RIMKLB: variants seen among roughly 807,000 people sequenced by gnomAD.
The protein encoded by RIMKLB is ribosomal modification protein rimK like family member B.
RIMKLB carries 7 observed loss-of-function variants against 32.0 expected under a neutral mutation model. That is an observed-to-expected ratio of 0.22 (90% CI 0.12 to 0.41). RIMKLB has a LOEUF of 0.41. Among genes scored for constraint, RIMKLB ranks in the 10% least tolerant of loss-of-function variants. The probability of loss-of-function intolerance (pLI) is 1.00; values close to 1 mark genes in which losing one functional copy is unlikely to be tolerated. For synonymous variants in RIMKLB, 172 were observed against 185.1 expected (o/e 0.93, Z 0.57); for missense variants, 289 against 498.7 (o/e 0.58, Z 4.00).
upstream of RIMKLB, among the ~76,000 whole-genome samples, chr12:8,695,193 C>T (rs761721703): frequency 1.6e-5 from 2 of 126,130 alleles, no homozygotes; most frequent in East Asian, 4.0e-4. Context: ...ACCGCCCCGC[C>T]CCCCCGCCCC....
intron 1 of RIMKLB, among the ~76,000 whole-genome samples, chr12:8,702,231 G>T (rs1943473383): frequency 6.6e-6 from 1 of 152,164 alleles, no homozygotes; most frequent in Non-Finnish European, 1.5e-5. Flanking sequence ...GGAGTTTACA[G>T]ACTAATTTTG....
chr12:8,701,643 ATC>A (rs1269188369), intron 1 of RIMKLB, among the ~76,000 whole-genome samples: 4 of 142,846 alleles, frequency 2.8e-5, no homozygotes, highest in African/African-American at 1.0e-4. Flanking sequence ...CACAGGCCTG[ATC>A]TCTTTTTTTT....
chr12:8,731,157 C>T (rs1300131296), intron 2 of RIMKLB, among the ~76,000 whole-genome samples: 1 of 151,958 alleles, frequency 6.6e-6, no homozygotes, highest in Non-Finnish European at 1.5e-5. Flanking sequence ...AGTGCAGTGG[C>T]GCAATCTCGG....
At chr12:8,701,389 A>T (rs1172999728) in intron 1 of RIMKLB, among the ~76,000 whole-genome samples, 1 of 151,970 alleles carries the variant, frequency 6.6e-6, no homozygotes, top group East Asian at 1.9e-4. Context: ...CATGGTAACT[A>T]ATGCCATGGT....
At chr12:8,765,510 A>G (rs977884992) in intron 5 of RIMKLB, among the ~76,000 whole-genome samples, 2 of 152,150 alleles carry the variant, frequency 1.3e-5, no homozygotes, top group African/African-American at 4.8e-5. Context: ...ATATCTCTCC[A>G]TGTCAGATCA....
chr12:8,704,197 C>T (rs766611539), intron 1 of RIMKLB, among the ~76,000 whole-genome samples: 5 of 152,064 alleles, frequency 3.3e-5, no homozygotes, highest in African/African-American at 9.7e-5. Flanking sequence ...GCCTGAGCAA[C>T]GTGATGAAAC....
chr12:8,760,780 G>GT (rs1949455479), intron 5 of RIMKLB, among the ~76,000 whole-genome samples: 1 of 152,112 alleles, frequency 6.6e-6, no homozygotes, highest in South Asian at 2.1e-4. Context: ...TCGCCCACTT[G>GT]TTGATAGGGT....
At position 8,774,894 on chromosome 12, in the gene RIMKLB, A is replaced by G; in HGVS notation, c.*1110A>G. The stretch of plus-strand genomic sequence containing the variant: ...AGTATATGTGTATGTGTGTGCACGC[A>G]TGCATGTGTATGTGTTTTGCTTTTT... On this transcript the variant is annotated 3_prime_UTR_variant, in exon 6 of 6. Coordinates refer to ENST00000535829, the MANE Select transcript of RIMKLB (RefSeq NM_001297776.2). 2 of 985,732 alleles carry G rather than the reference A, an allele frequency of 2.0e-6. No individual in the cohort carries two copies. Among genetic ancestry groups the G allele is most frequent in the Non-Finnish European group, 2.4e-6 (2 of 829,862 alleles). The allele number at this position is 985,732 out of a possible 1,614,324, so 61.1% of individuals were successfully genotyped here.
the RIMKLB span, among the ~76,000 whole-genome samples, chr12:8,676,203 G>GCT: frequency 6.6e-6 from 1 of 151,724 alleles, no homozygotes; most frequent in African/African-American, 2.4e-5. Context: ...TCTCCCAGTA[G>GCT]CTGGGACCAC....
chr12:8,723,050 C>T (rs1945620183), intron 2 of RIMKLB, among the ~76,000 whole-genome samples: 1 of 152,238 alleles, frequency 6.6e-6, no homozygotes, highest in Admixed American at 6.5e-5. Flanking sequence ...TGGAGTAGCA[C>T]TTTTAATTTC....
At chr12:8,672,266 TC>T in the RIMKLB span, among the ~76,000 whole-genome samples, 1 of 152,202 alleles carries the variant, frequency 6.6e-6, no homozygotes, top group African/African-American at 2.4e-5. Context: ...TCTGAACCCT[TC>T]AAACTGTTCT....
intron 2 of RIMKLB, among the ~76,000 whole-genome samples, chr12:8,743,816 C>T (rs1026027864): frequency 6.6e-6 from 1 of 151,932 alleles, no homozygotes; most frequent in Non-Finnish European, 1.5e-5. Context: ...GTTACGTTAG[C>T]ACTTTATTAT....
At chr12:8,734,873 A>G (rs143309576) in intron 2 of RIMKLB, among the ~76,000 whole-genome samples, 45 of 152,306 alleles carry the variant, frequency 3.0e-4, no homozygotes, top group African/African-American at 7.2e-4. Context: ...ACTGAATTCT[A>G]TCTTCGATGT....
chr12:8,717,995 C>T (rs936322668), intron 2 of RIMKLB, among the ~76,000 whole-genome samples: 42 of 152,112 alleles, frequency 2.8e-4, no homozygotes, highest in African/African-American at 9.9e-4. Context: ...ATTGTATTTT[C>T]CTTGTTCATC....
intron 5 of RIMKLB, among the ~76,000 whole-genome samples, chr12:8,763,009 A>C (rs926491690): frequency 6.6e-6 from 1 of 152,208 alleles, no homozygotes; most frequent in Non-Finnish European, 1.5e-5. Flanking sequence ...TGGCTCTTTA[A>C]TAGAGCCTGA....
upstream of RIMKLB, among the ~76,000 whole-genome samples, chr12:8,680,604 C>T (rs1942390376): frequency 1.3e-5 from 2 of 152,288 alleles, no homozygotes; most frequent in Middle Eastern, 3.4e-3. Flanking sequence ...ACTGTGGACT[C>T]GCCCTGAATT....
At chr12:8,682,990 A>G (rs1045736299) in intron 1 of RIMKLB, among the ~76,000 whole-genome samples, 1 of 151,886 alleles carries the variant, frequency 6.6e-6, no homozygotes, top group Non-Finnish European at 1.5e-5. Context: ...CCTGAATGTC[A>G]TATAGTTAGA....
chr12:8,721,699 C>G (rs1945454382), intron 2 of RIMKLB, among the ~76,000 whole-genome samples: 1 of 152,150 alleles, frequency 6.6e-6, no homozygotes. Context: ...ACATTCCTAT[C>G]AATGGTGATA....
At chr12:8,748,790 T>A (rs1486810088) in intron 2 of RIMKLB, among the ~76,000 whole-genome samples, 1 of 151,682 alleles carries the variant, frequency 6.6e-6, no homozygotes, top group Non-Finnish European at 1.5e-5. Flanking sequence ...TACAAAAAAA[T>A]TTGCCAGGCA....
Sources: gnomAD v4.1 joint callset for allele counts (sites outside exome capture counted in the v4.1 genomes callset) on GRCh38, gnomAD v4.1.1 for gene constraint, MANE v1.5 for transcripts, NCBI Gene and HGNC (gene_info 2026-07-23, HGNC 2026-07-21) for gene names.